The following CA5B variants were observed in gnomAD, a reference collection of about 807,000 sequenced individuals.
CA5B encodes carbonic anhydrase 5B, mitochondrial.
CA5B carries 15 observed loss-of-function variants against 23.1 expected under a neutral mutation model. That is an observed-to-expected ratio of 0.65 (90% CI 0.43 to 1.00). The LOEUF (loss-of-function observed/expected upper bound fraction) is 1.00. CA5B is among the 50% of genes least tolerant of loss of function. CA5B has a pLI of 0.00. For synonymous variants in CA5B, 84 were observed against 98.5 expected, an observed-to-expected ratio of 0.85 and a Z score of 0.87; for missense variants, 236 against 252.2, an observed-to-expected ratio of 0.94 and a Z score of 0.43.
At chrX:15,766,113 C>T (rs951947605) in intron 3 of CA5B, among the ~76,000 whole-genome samples, 49 of 97,485 alleles carry the variant, frequency 5.0e-4, no homozygotes, top group African/African-American at 1.9e-3. Context: ...GCCGAGATCG[C>T]GCCACTGCAC....
intron 2 of CA5B, among the ~76,000 whole-genome samples, chrX:15,759,772 G>A (rs1318402142): frequency 3.1e-5 from 2 of 64,583 alleles, no homozygotes; most frequent in African/African-American, 1.6e-4. Context: ...TTTTTGAGTC[G>A]GAGTCTTGAC....
intron 2 of CA5B, among the ~76,000 whole-genome samples, chrX:15,759,734 CTTTTTTTTTTTTTT>C (rs56915078): frequency 8.0e-5 from 3 of 37,398 alleles, no homozygotes; most frequent in African/African-American, 3.9e-4. Flanking sequence ...TTACTGACAC[CTTTTTTTTTTTTTT>C]TTTTTTTTTT....
chrX:15,750,265 G>A (rs1449049321), intron 2 of CA5B, 100 bp downstream of exon 2: 23 of 646,258 alleles, frequency 3.6e-5, no homozygotes, highest in Non-Finnish European at 5.2e-5. Flanking sequence ...AAAAGAGGGA[G>A]CAAGTGTGCA....
chrX:15,781,607 T>C (rs1232006891), intron 7 of CA5B, among the ~76,000 whole-genome samples: 1 of 111,320 alleles, frequency 9.0e-6, no homozygotes, highest in African/African-American at 3.3e-5. Context: ...GAGCATCCTG[T>C]CTCCAGTTAA....
chrX:15,781,953 GA>G (rs1231154554), intron 7 of CA5B, among the ~76,000 whole-genome samples: 188 of 103,621 alleles, frequency 1.8e-3, no homozygotes, highest in African/African-American at 6.1e-3. Context: ...GAAAGAAAAG[GA>G]AAAAAAAAAG....
chrX:15,773,746 G>A (rs368975744), intron 4 of CA5B, among the ~76,000 whole-genome samples: 1 of 110,834 alleles, frequency 9.0e-6, no homozygotes, highest in Non-Finnish European at 1.9e-5. Flanking sequence ...TAGAGACAAG[G>A]TTTCACTATG....
intron 3 of CA5B, among the ~76,000 whole-genome samples, chrX:15,766,483 A>T (rs1273349919): frequency 8.9e-6 from 1 of 112,052 alleles, no homozygotes; most frequent in Non-Finnish European, 1.9e-5. Flanking sequence ...CATATCTCAA[A>T]GTAGGAAGTT....
chrX:15,743,627 C>T lies in CA5B; in HGVS notation c.-54+5275C>T, dbSNP rs760034745. On this transcript the variant is annotated intron_variant, in intron 1 of 7. Coordinates refer to ENST00000318636, the MANE Select transcript of CA5B (RefSeq NM_007220.4). ...ACTCACTCCCATCCATCCCGTACTC[C>T]ATTGTCAGAGTCATCAGAAACCATC... 2.7e-5 allele frequency among the ~76,000 whole-genome samples: 3 copies of T among 112,326 alleles called. No individual in the cohort carries two copies. The South Asian group carries it at 1.1e-3, about 42-fold the overall frequency.
At chrX:15,769,909 A>G (rs1931786264) in intron 3 of CA5B, among the ~76,000 whole-genome samples, 2 of 111,947 alleles carry the variant, frequency 1.8e-5, no homozygotes, top group East Asian at 2.8e-4. Flanking sequence ...AAAAGGAGGG[A>G]GTGAATATTA....
chrX:15,757,808 A>G lies in CA5B; in HGVS notation c.143-6770A>G, dbSNP rs1931524849. Among the ~76,000 whole-genome samples the G allele has an allele frequency of 3.6e-5, 4 of 111,616 alleles. No individual in the cohort carries two copies. The Admixed American group carries it at 3.8e-4, about 11-fold the overall frequency. ...GGGAACAGCATGACAAGAAAAGTAC[A>G]TAGGAACACCAGAGTTTGGGAAGAA... On this transcript the variant is annotated intron_variant, in intron 2 of 7. Coordinates refer to ENST00000318636, the MANE Select transcript of CA5B (RefSeq NM_007220.4).
intron 2 of CA5B, 115 bp downstream of exon 2, chrX:15,750,280 C>T (rs964065779): frequency 1.1e-5 from 6 of 545,163 alleles, no homozygotes; most frequent in Non-Finnish European, 1.8e-5. Flanking sequence ...TGTGCAAGAG[C>T]AAAAATACTC....
intron 2 of CA5B, among the ~76,000 whole-genome samples, chrX:15,752,832 G>A (rs976078426): frequency 1.8e-5 from 2 of 110,983 alleles, no homozygotes; most frequent in Non-Finnish European, 3.8e-5. Flanking sequence ...CTCATCTATT[G>A]TCTCTAAGGG....
intron 7 of CA5B, among the ~76,000 whole-genome samples, chrX:15,779,964 T>C (rs773568411): frequency 6.2e-5 from 7 of 112,390 alleles, no homozygotes; most frequent in Non-Finnish European, 1.1e-4. Context: ...TTTTCAATTA[T>C]ATAATTTAAA....
At position 15,757,663 on chromosome X, in the gene CA5B, G is replaced by A. The variant is rs764268774; in HGVS notation, c.143-6915G>A. 7.5e-5 allele frequency among the ~76,000 whole-genome samples: 8 copies of A among 106,603 alleles called. No homozygotes were observed. The South Asian group carries it at 2.6e-3, about 34-fold the overall frequency. 92.6% of individuals were successfully genotyped at this position (106,603 alleles called of 115,157 possible). On this transcript the variant is annotated intron_variant, in intron 2 of 7. Transcript: ENST00000318636. ...GTGGAGGTTGCAGTGAGCCAAGATC[G>A]TGCCACTGCACTCTAGCCTGGGTGA...
chrX:15,757,707 C>CAA (rs757235598), intron 2 of CA5B, among the ~76,000 whole-genome samples: 3 of 45,801 alleles, frequency 6.6e-5, no homozygotes, highest in Non-Finnish European at 4.2e-5. Context: ...GACTCCATCT[C>CAA]AAAAAAAAAA....
At position 15,783,427 on chromosome X, in the gene CA5B, T is replaced by G. The variant is rs1045880192; in HGVS notation, c.*763T>G. ...GACTTTTCCTATACCCAGAAATCCCTTTGCATTTCCGAAGATCAGATATTT... is the reference window on the plus strand; with the variant it reads ...GACTTTTCCTATACCCAGAAATCCCGTTGCATTTCCGAAGATCAGATATTT... On this transcript the variant is annotated 3_prime_UTR_variant, in exon 8 of 8. Transcript: ENST00000318636. The G allele has an allele frequency of 1.8e-5, 2 of 111,911 alleles. No individual in the cohort carries two copies. The highest frequency in any genetic ancestry group is 6.5e-5 in the African/African-American group (2 of 30,770). 9.2% of individuals were successfully genotyped at this position (111,911 alleles called of 1,213,427 possible).
chrX:15,750,515 G>T, intron 2 of CA5B: 1 of 142,067 alleles, frequency 7.0e-6, no homozygotes, highest in Non-Finnish European at 1.4e-5. Context: ...GGAACCTGTT[G>T]TTTATTATTT....
intron 5 of CA5B, 86 bp from the exon 6 acceptor site, chrX:15,775,160 G>A: frequency 1.6e-6 from 1 of 635,249 alleles, no homozygotes; most frequent in Middle Eastern, 3.3e-4. Flanking sequence ...TAATCACCAG[G>A]TAGTTAATTT....
rs749642543 is a variant in CA5B, at chrX:15,752,528, A to G, written c.142+2363A>G. 9.3e-3 allele frequency among the ~76,000 whole-genome samples: 923 copies of G among 98,843 alleles called. 5 individuals are homozygous for G. The highest frequency in any genetic ancestry group is 0.018 in the Admixed American group (153 of 8,649). The allele number at this position is 98,843 out of a possible 115,157, so 85.8% of individuals were successfully genotyped here. ...ATCACAAGGTCAGGAGATCAAGACTATCCTGGCTAACACGGTGAAACCCCG... is the reference window on the plus strand; with the variant it reads ...ATCACAAGGTCAGGAGATCAAGACTGTCCTGGCTAACACGGTGAAACCCCG... On this transcript the variant is annotated intron_variant, in intron 2 of 7. Coordinates refer to ENST00000318636, the MANE Select transcript of CA5B (RefSeq NM_007220.4).
Sources: allele counts gnomAD v4.1 joint callset (sites outside exome capture counted in the v4.1 genomes callset), GRCh38; gene constraint gnomAD v4.1.1; transcripts MANE v1.5; gene names NCBI Gene and HGNC (gene_info 2026-07-23, HGNC 2026-07-21).